Variants in WDFY1 observed in about 807,000 individuals in gnomAD.
WDFY1 encodes WD repeat and FYVE domain containing 1, also known as WD repeat and FYVE domain-containing protein 1.
In WDFY1, 32 loss-of-function variants were observed where a neutral mutation model predicts 56.4. That is an observed-to-expected ratio of 0.57 (90% confidence interval 0.43 to 0.76). The LOEUF is 0.76. Among genes scored for constraint, WDFY1 ranks in the 30% least tolerant of loss-of-function variants. WDFY1 has a pLI of 0.00. For synonymous variants in WDFY1, 192 were observed against 197.3 expected (o/e 0.97, Z 0.23); for missense variants, 480 against 545.7 (o/e 0.88, Z 1.20).
At position 223,880,209 on chromosome 2, in the gene WDFY1, T is replaced by A; in HGVS notation, c.1088A>T (p.His363Leu). The A allele has an allele frequency of 6.2e-7, 1 of 1,614,076 alleles. No homozygotes were observed. The highest frequency in any genetic ancestry group is 8.5e-7 in the Non-Finnish European group (1 of 1,179,980). Residue 363 changes from histidine (H) to leucine (L), a missense_variant, in exon 11 of 12, where the codon CAT (histidine) becomes CTT (leucine). His to Leu is a moderately conservative substitution (Grantham distance 99, BLOSUM62 -3). Coordinates refer to ENST00000233055, the MANE Select transcript of WDFY1 (RefSeq NM_020830.5). ...DEDRTSLATF[H>L]EGKHNISHMS... The stretch of plus-strand genomic sequence containing the variant: ...GTGGGAAATGTTATGTTTTCCTTCA[T>A]GAAAGGTCGCTAGAGAAGTCCGACT...
intron 1 of WDFY1, among the ~76,000 whole-genome samples, chr2:223,921,094 G>C (rs993229759): frequency 6.6e-6 from 1 of 152,116 alleles, no homozygotes; most frequent in African/African-American, 2.4e-5. Context: ...AACTTTCTAG[G>C]GGAACATCAA....
At chr2:223,921,773 G>A (rs1693889604) in intron 1 of WDFY1, among the ~76,000 whole-genome samples, 1 of 152,084 alleles carries the variant, frequency 6.6e-6, no homozygotes, top group South Asian at 2.1e-4. Context: ...ATTCCTTTGG[G>A]TGTGTTAATG....
chr2:223,912,239 T>G lies in WDFY1; in HGVS notation c.279+14A>C, dbSNP rs749056448. On this transcript the variant is annotated intron_variant, in intron 3 of 11. Transcript: ENST00000233055. ...TATAAAGAATACAATAAATACATTCTAAAAGCTACCTACCATTACAGCTCC... is the reference window on the plus strand; with the variant it reads ...TATAAAGAATACAATAAATACATTCGAAAAGCTACCTACCATTACAGCTCC... The G allele has an allele frequency of 1.9e-6, 3 of 1,600,580 alleles. No individual in the cohort carries two copies. In the South Asian group the frequency reaches 3.4e-5, roughly 18 times the overall value.
At chr2:223,880,002 T>C in intron 11 of WDFY1, 122 bp downstream of exon 11, 1 of 872,768 alleles carries the variant, frequency 1.1e-6, no homozygotes, top group Admixed American at 2.0e-5. Context: ...CTCAAGGTTT[T>C]AAACTGGCAA....
At chr2:223,914,166 C>A (rs1453758003) in intron 2 of WDFY1, among the ~76,000 whole-genome samples, 1 of 151,782 alleles carries the variant, frequency 6.6e-6, no homozygotes, top group Non-Finnish European at 1.5e-5. Context: ...CAGGCTAATT[C>A]TTGTATTTTT....
chr2:223,899,002 T>A lies in WDFY1; in HGVS notation c.554A>T (p.Glu185Val). The A allele has an allele frequency of 6.2e-7, 1 of 1,614,122 alleles. No homozygotes were observed. Among genetic ancestry groups the A allele is most frequent in the Non-Finnish European group, 8.5e-7 (1 of 1,180,016 alleles). ...YSGQITLLKLEQNTCSVITTL... is the reference protein window; with the variant it reads ...YSGQITLLKLVQNTCSVITTL... ...TGTGATGACTGAACACGTGTTCTGT[T>A]CAAGCTTCAGCAGGGTGATCTGCCC... is the stretch of plus-strand genomic sequence containing the variant. Residue 185 changes from glutamate (E) to valine (V), a missense_variant, in exon 6 of 12, where the codon GAA (glutamate) becomes GTA (valine). Glu to Val is a moderately radical substitution (Grantham distance 121). Transcript: ENST00000233055.
chr2:223,878,549 A>C lies in WDFY1; in HGVS notation c.*122T>G, dbSNP rs528505024. ...CACACCTTTACATTTTCTTTTTAAA[A>C]ATGTTGATTTGTTTGTAAGTGGCTA... is the stretch of plus-strand genomic sequence containing the variant. On this transcript the variant is annotated 3_prime_UTR_variant, in exon 12 of 12. Coordinates refer to ENST00000233055, the MANE Select transcript of WDFY1 (RefSeq NM_020830.5). The C allele has an allele frequency of 1.1e-5, 8 of 733,722 alleles. No individual in the cohort carries two copies. The East Asian group carries it at 2.2e-4, about 20-fold the overall frequency. The allele number at this position is 733,722 out of a possible 1,614,324, so 45.5% of individuals were successfully genotyped here.
intron 1 of WDFY1, among the ~76,000 whole-genome samples, chr2:223,919,506 C>T (rs951809259): frequency 2.6e-5 from 4 of 152,070 alleles, no homozygotes; most frequent in Non-Finnish European, 4.4e-5. Context: ...TCATCACACT[C>T]GGCCCTTATT....
intron 2 of WDFY1, among the ~76,000 whole-genome samples, chr2:223,912,564 G>A (rs1450162797): frequency 6.6e-6 from 1 of 152,170 alleles, no homozygotes; most frequent in Non-Finnish European, 1.5e-5. Context: ...GGTGAAGTGA[G>A]CCAGCATGAA....
At chr2:223,935,902 G>A (rs1011650522) in intron 1 of WDFY1, among the ~76,000 whole-genome samples, 5 of 152,102 alleles carry the variant, frequency 3.3e-5, no homozygotes, top group Admixed American at 3.3e-4. Context: ...TGAGGTTCCT[G>A]GTGAGGGAGG....
At position 223,878,677 on chromosome 2, in the gene WDFY1, C is replaced by A. The variant is rs766937223; in HGVS notation, c.1227G>T (p.Pro409=). The A allele has an allele frequency of 1.2e-6, 2 of 1,613,728 alleles. No individual in the cohort carries two copies. The highest frequency in any genetic ancestry group is 8.5e-7 in the Non-Finnish European group (1 of 1,179,662). ...VGCSLATGFS[P]H Reference sequence around the variant, plus strand: ...ACGCCGCCCAGCTCTCAGATCAGTGCGGAGAAAACCCAGTCGCCAGACTGC... The same window carrying A: ...ACGCCGCCCAGCTCTCAGATCAGTGAGGAGAAAACCCAGTCGCCAGACTGC... Residue 409 remains proline, a synonymous_variant, in exon 12 of 12, where the codon CCG becomes CCT. Coordinates refer to ENST00000233055, the MANE Select transcript of WDFY1 (RefSeq NM_020830.5).
At chr2:223,897,669 C>T (rs537039033) in intron 6 of WDFY1, among the ~76,000 whole-genome samples, 48 of 152,080 alleles carry the variant, frequency 3.2e-4, no homozygotes, top group African/African-American at 8.0e-4. Context: ...TGTAAGCCAA[C>T]GGGCCCAGCC....
chr2:223,908,595 C>T (rs1308864884), intron 3 of WDFY1, among the ~76,000 whole-genome samples: 1 of 152,156 alleles, frequency 6.6e-6, no homozygotes, highest in Non-Finnish European at 1.5e-5. Flanking sequence ...TAAATATTGA[C>T]ATTTCCCTAG....
chr2:223,882,187 T>C, intron 9 of WDFY1, 115 bp from the exon 10 acceptor site: 73 of 1,325,422 alleles, frequency 5.5e-5, no homozygotes, highest in Middle Eastern at 3.0e-4. Context: ...TGATCTCGGC[T>C]CACTGCAACC....
At chr2:223,900,631 C>T (rs1693491111) in intron 5 of WDFY1, among the ~76,000 whole-genome samples, 1 of 152,012 alleles carries the variant, frequency 6.6e-6, no homozygotes, top group African/African-American at 2.4e-5. Flanking sequence ...TATGGGTCCT[C>T]TCCACACAAA....
intron 5 of WDFY1, among the ~76,000 whole-genome samples, chr2:223,899,751 A>G (rs559693182): frequency 6.6e-6 from 1 of 152,326 alleles, no homozygotes; most frequent in Non-Finnish European, 1.5e-5. Flanking sequence ...TCTTTCTCAA[A>G]AAAAGAAAAA....
chr2:223,931,795 C>T (rs966740210), intron 1 of WDFY1, among the ~76,000 whole-genome samples: 2 of 151,486 alleles, frequency 1.3e-5, no homozygotes, highest in African/African-American at 4.9e-5. Flanking sequence ...AAGCAATTCT[C>T]TTGCCTCAGC....
At chr2:223,910,225 A>G (rs1693671425) in intron 3 of WDFY1, among the ~76,000 whole-genome samples, 1 of 152,178 alleles carries the variant, frequency 6.6e-6, no homozygotes, top group African/African-American at 2.4e-5. Context: ...TAAATGTGGA[A>G]CCCCTCCCTG....
chr2:223,899,240 C>G (rs1270459624), intron 5 of WDFY1, 170 bp from the exon 6 acceptor site: 2 of 536,982 alleles, frequency 3.7e-6, no homozygotes, highest in Non-Finnish European at 6.6e-6. Context: ...AACTGAAAAG[C>G]ATGCAATATG....
Sources: allele counts gnomAD v4.1 joint callset (sites outside exome capture counted in the v4.1 genomes callset), GRCh38; gene constraint gnomAD v4.1.1; transcripts MANE v1.5; gene names NCBI Gene and HGNC (gene_info 2026-07-23, HGNC 2026-07-21).